Variants in PLEKHG1 observed in about 807,000 individuals in gnomAD.
The protein encoded by PLEKHG1 is pleckstrin homology domain-containing family G member 1.
PLEKHG1 carries 44 observed loss-of-function variants against 100.8 expected under a neutral mutation model. The ratio of observed to expected loss-of-function variants is 0.44; its 90% CI spans 0.34 to 0.56. The LOEUF is 0.56. Among genes scored for constraint, PLEKHG1 ranks in the 20% least tolerant of loss-of-function variants. The pLI is 0.01. For synonymous variants in PLEKHG1, 640 were observed against 662.5 expected (o/e 0.97, Z 0.52); for missense variants, 1,545 against 1,720.9 (o/e 0.90, Z 1.81).
chr6:150,668,617 C>T (rs1025397022), intron 3 of PLEKHG1, among the ~76,000 whole-genome samples: 3 of 152,150 alleles, frequency 2.0e-5, no homozygotes, highest in Non-Finnish European at 4.4e-5. Context: ...TTCCACATTC[C>T]ACTCAGCTGG....
At chr6:150,662,054 T>G (rs1315529757) in intron 3 of PLEKHG1, among the ~76,000 whole-genome samples, 1 of 151,462 alleles carries the variant, frequency 6.6e-6, no homozygotes, top group African/African-American at 2.4e-5. Context: ...TTCAGAAGAG[T>G]GTGTCATGGA....
chr6:150,826,359 G>A (rs1368422578), intron 14 of PLEKHG1, among the ~76,000 whole-genome samples: 1 of 152,210 alleles, frequency 6.6e-6, no homozygotes, highest in African/African-American at 2.4e-5. Flanking sequence ...TTGGGAGGCT[G>A]AGGCAGGAGA....
intron 7 of PLEKHG1, 123 bp from the exon 9 acceptor site, chr6:150,808,981 GT>G: frequency 1.4e-6 from 1 of 694,636 alleles, no homozygotes; most frequent in Non-Finnish European, 2.5e-6. Flanking sequence ...CAGATACCAC[GT>G]AGATAGTTAG....
At chr6:150,694,031 A>G (rs931106887) in intron 3 of PLEKHG1, among the ~76,000 whole-genome samples, 1 of 152,358 alleles carries the variant, frequency 6.6e-6, no homozygotes, top group South Asian at 2.1e-4. Flanking sequence ...GGGAGTTTAC[A>G]TGGGAGGCTT....
At chr6:150,791,150 G>C (rs1785955271) in intron 4 of PLEKHG1, among the ~76,000 whole-genome samples, 1 of 152,226 alleles carries the variant, frequency 6.6e-6, no homozygotes, top group Non-Finnish European at 1.5e-5. Context: ...GAACTCGTTA[G>C]AAATGCAGAT....
intron 3 of PLEKHG1, among the ~76,000 whole-genome samples, chr6:150,715,997 A>G (rs1341676589): frequency 1.3e-5 from 2 of 148,498 alleles, no homozygotes; most frequent in Non-Finnish European, 3.0e-5. Context: ...AGTCCCAGCT[A>G]CTCGGGAGGC....
At chr6:150,815,970 T>C (rs1013629457) in intron 10 of PLEKHG1, among the ~76,000 whole-genome samples, 3 of 152,168 alleles carry the variant, frequency 2.0e-5, no homozygotes, top group African/African-American at 7.2e-5. Flanking sequence ...TTTGGGATGA[T>C]GAAAGCACAT....
intron 3 of PLEKHG1, among the ~76,000 whole-genome samples, chr6:150,653,985 G>A (rs1054835208): frequency 5.9e-5 from 9 of 152,072 alleles, no homozygotes; most frequent in African/African-American, 1.9e-4. Flanking sequence ...AATTTATTCG[G>A]TACTACAAAA....
intron 3 of PLEKHG1, among the ~76,000 whole-genome samples, chr6:150,774,885 A>G (rs1388106770): frequency 1.3e-5 from 2 of 152,062 alleles, no homozygotes; most frequent in African/African-American, 4.8e-5. Context: ...AAATTAAAAA[A>G]AATTTTTTTT....
At chr6:150,713,137 A>G (rs1781297147) in intron 3 of PLEKHG1, among the ~76,000 whole-genome samples, 1 of 152,078 alleles carries the variant, frequency 6.6e-6, no homozygotes, top group Non-Finnish European at 1.5e-5. Flanking sequence ...AAGTGGAGAG[A>G]AGGTTTTGTG....
At chr6:150,636,106 A>G (rs1042397254) in intron 1 of PLEKHG1, among the ~76,000 whole-genome samples, 6 of 152,328 alleles carry the variant, frequency 3.9e-5, no homozygotes, top group Non-Finnish European at 8.8e-5. Context: ...CTGTGGAGTC[A>G]GCATACCTAA....
chr6:150,722,249 A>G (rs778151264), intron 1 of PLEKHG1, among the ~76,000 whole-genome samples: 1 of 151,870 alleles, frequency 6.6e-6, no homozygotes, highest in Non-Finnish European at 1.5e-5. Flanking sequence ...GTGACATTTA[A>G]TCATTTTACA....
chr6:150,698,151 T>C (rs7775405), intron 3 of PLEKHG1, among the ~76,000 whole-genome samples: 14,497 of 152,208 alleles, frequency 0.095, 2,064 homozygotes, highest in African/African-American at 0.31. Context: ...ACCATGAAAT[T>C]CATTTAGGTT....
intron 2 of PLEKHG1, among the ~76,000 whole-genome samples, chr6:150,736,881 T>G (rs940565931): frequency 6.6e-6 from 1 of 152,138 alleles, no homozygotes. Flanking sequence ...TTTGGTTATT[T>G]CTAATGAACC....
chr6:150,810,694 G>C (rs560910339), intron 10 of PLEKHG1, among the ~76,000 whole-genome samples: 107 of 152,160 alleles, frequency 7.0e-4, no homozygotes, highest in Non-Finnish European at 1.0e-3. Context: ...GCTGAGGTGG[G>C]CAGATCACCT....
intron 1 of PLEKHG1, among the ~76,000 whole-genome samples, chr6:150,626,425 T>C (rs1387952631): frequency 1.3e-5 from 2 of 152,148 alleles, no homozygotes; most frequent in Non-Finnish European, 2.9e-5. Flanking sequence ...CGCCTCGGGA[T>C]CAGGAGTCTG....
At chr6:150,733,659 C>T (rs188487312) in exon 2 of PLEKHG1, 197 of 1,614,098 alleles carry the variant, frequency 1.2e-4, no homozygotes, top group Middle Eastern at 8.2e-4. Flanking sequence ...GCCAGGCGTT[C>T]CTGCCCTCAA....
intron 12 of PLEKHG1, among the ~76,000 whole-genome samples, 163 bp downstream of exon 13, chr6:150,819,937 A>G (rs1274871980): frequency 6.6e-6 from 1 of 152,026 alleles, no homozygotes; most frequent in Non-Finnish European, 1.5e-5. Flanking sequence ...CTTTTGATCT[A>G]AAACTCTTTT....
intron 15 of PLEKHG1, among the ~76,000 whole-genome samples, chr6:150,836,778 G>T (rs1305063840): frequency 1.3e-5 from 2 of 149,682 alleles, no homozygotes; most frequent in African/African-American, 4.9e-5. Flanking sequence ...AGTTATGATT[G>T]TACCATTCCA....
Sources: gnomAD v4.1 joint callset for allele counts (sites outside exome capture counted in the v4.1 genomes callset) on GRCh38, gnomAD v4.1.1 for gene constraint, MANE v1.5 for transcripts, NCBI Gene and HGNC (gene_info 2026-07-23, HGNC 2026-07-21) for gene names.